HECW2: variants seen among roughly 807,000 people sequenced by gnomAD.
The protein encoded by HECW2 is HECT, C2 and WW domain containing E3 ubiquitin protein ligase 2.
Under a neutral mutation model 175.2 loss-of-function variants are expected in HECW2, and 61 were observed. The observed-to-expected ratio is 0.35, with a 90% CI of 0.28 to 0.43. The LOEUF is 0.43. Among genes scored for constraint, HECW2 ranks in the 20% least tolerant of loss-of-function variants. HECW2 has a pLI of 1.00. For missense variants in HECW2, 1,524 were observed against 2,000.5 expected (o/e 0.76, Z 4.54); for synonymous variants, 671 against 731.0 (o/e 0.92, Z 1.32).
At chr2:196,254,128 A>G in intron 18 of HECW2, 99 bp from the exon 19 acceptor site, 3 of 1,506,492 alleles carry the variant, frequency 2.0e-6, no homozygotes, top group Non-Finnish European at 2.7e-6. Context: ...GATCCGGTTT[A>G]TATCCCAAAG....
intron 10 of HECW2, among the ~76,000 whole-genome samples, chr2:196,311,788 T>G (rs1176243500): frequency 6.6e-6 from 1 of 152,078 alleles, no homozygotes; most frequent in Non-Finnish European, 1.5e-5. Flanking sequence ...CAGAGTTGGA[T>G]TCCATCTCAA....
intron 1 of HECW2, among the ~76,000 whole-genome samples, chr2:196,471,833 G>A (rs1037044338): frequency 3.3e-5 from 5 of 152,228 alleles, no homozygotes; most frequent in Admixed American, 2.0e-4. Context: ...AAGAAAGGAG[G>A]AGGGAGAGGA....
chr2:196,555,221 T>C (rs1689753650), intron 1 of HECW2, among the ~76,000 whole-genome samples: 1 of 152,180 alleles, frequency 6.6e-6, no homozygotes, highest in Non-Finnish European at 1.5e-5. Flanking sequence ...TTTATCATCA[T>C]TATGGAGGCG....
chr2:196,586,641 C>A (rs1367465345), intron 1 of HECW2: 1 of 151,862 alleles, frequency 6.6e-6, no homozygotes, highest in Non-Finnish European at 1.5e-5. Context: ...AAGTACAACT[C>A]CTTTTCTTCA....
chr2:196,359,294 A>T (rs1306072079), intron 2 of HECW2, among the ~76,000 whole-genome samples: 1 of 152,168 alleles, frequency 6.6e-6, no homozygotes, highest in Non-Finnish European at 1.5e-5. Flanking sequence ...CTGAAAATAC[A>T]AAAATTAGCT....
intron 2 of HECW2, among the ~76,000 whole-genome samples, chr2:196,419,764 T>C (rs1353154888): frequency 1.3e-5 from 2 of 152,200 alleles, no homozygotes; most frequent in Non-Finnish European, 2.9e-5. Flanking sequence ...GTTATCTTGT[T>C]CCACCTTCAG....
intron 1 of HECW2, among the ~76,000 whole-genome samples, chr2:196,457,931 A>C (rs1440676404): frequency 1.3e-5 from 2 of 152,214 alleles, no homozygotes; most frequent in Non-Finnish European, 2.9e-5. Context: ...ACAAATAATC[A>C]AAAGGGATAA....
intron 1 of HECW2, among the ~76,000 whole-genome samples, chr2:196,496,410 A>G (rs1446686267): frequency 4.1e-5 from 3 of 73,140 alleles, no homozygotes; most frequent in African/African-American, 2.0e-4. Flanking sequence ...CCATATATGT[A>G]TATATATATA....
chr2:196,243,826 A>G (rs973878886), intron 19 of HECW2, among the ~76,000 whole-genome samples: 10 of 151,728 alleles, frequency 6.6e-5, no homozygotes, highest in Non-Finnish European at 1.3e-4. Flanking sequence ...TGATCCGCCC[A>G]CCTCGGCCTT....
Position 196,395,716 on chromosome 2 carries a change from A to T in HECW2, c.292+37416T>A, listed in dbSNP as rs200508520. ...TAGGATGACTATGTTTTTTTTTTTT[A>T]AAAAAAGAAAATCATAAATGTTAGT... On this transcript the variant is annotated intron_variant, in intron 2 of 28. Transcript: ENST00000644978. Among the ~76,000 whole-genome samples the T allele has an allele frequency of 6.0e-3, 332 of 55,526 alleles. 3 individuals are homozygous for T. Among genetic ancestry groups the T allele is most frequent in the South Asian group, 0.049 (84 of 1,722 alleles). 36.4% of individuals were successfully genotyped at this position (55,526 alleles called of 152,430 possible).
At chr2:196,330,886 G>A (rs551804054) in intron 4 of HECW2, among the ~76,000 whole-genome samples, 10 of 151,930 alleles carry the variant, frequency 6.6e-5, no homozygotes, top group African/African-American at 9.7e-5. Context: ...GCAATAGTTC[G>A]TGATTTGAAT....
chr2:196,209,884 C>A (rs1454123283), intron 28 of HECW2, among the ~76,000 whole-genome samples: 1 of 152,100 alleles, frequency 6.6e-6, no homozygotes, highest in African/African-American at 2.4e-5. Context: ...CTGCCTCTGC[C>A]TCCCGAGTAG....
chr2:196,223,227 C>T (rs1171073371), intron 23 of HECW2, among the ~76,000 whole-genome samples: 4 of 152,140 alleles, frequency 2.6e-5, no homozygotes, highest in Non-Finnish European at 5.9e-5. Flanking sequence ...TAAGTGATAA[C>T]ATAAGATTGG....
intron 1 of HECW2, among the ~76,000 whole-genome samples, chr2:196,592,037 T>C (rs1691216738): frequency 6.6e-6 from 1 of 152,214 alleles, no homozygotes; most frequent in African/African-American, 2.4e-5. Context: ...AAGAAAATCA[T>C]ATTTATAAGA....
At chr2:196,414,854 C>T (rs930055286) in intron 2 of HECW2, among the ~76,000 whole-genome samples, 1 of 152,164 alleles carries the variant, frequency 6.6e-6, no homozygotes, top group Non-Finnish European at 1.5e-5. Flanking sequence ...CTCTGAGTTC[C>T]AGCCACAGCC....
intron 1 of HECW2, among the ~76,000 whole-genome samples, chr2:196,581,548 T>C (rs1690785440): frequency 6.6e-6 from 1 of 151,684 alleles, no homozygotes; most frequent in Admixed American, 6.6e-5. Context: ...AAATAAAAAA[T>C]AAAAGATAAA....
At chr2:196,593,170 C>T (rs1456013937) in intron 1 of HECW2, among the ~76,000 whole-genome samples, 1 of 151,300 alleles carries the variant, frequency 6.6e-6, no homozygotes, top group East Asian at 1.9e-4. Context: ...GGCTCCGCGC[C>T]GCCACCCACC....
chr2:196,236,650 T>C (rs867550115), intron 21 of HECW2, among the ~76,000 whole-genome samples: 1 of 152,224 alleles, frequency 6.6e-6, no homozygotes, highest in Non-Finnish European at 1.5e-5. Context: ...TTTGATGACC[T>C]TGGGAGTATT....
At chr2:196,510,038 T>C (rs1045355004) in intron 1 of HECW2, among the ~76,000 whole-genome samples, 1 of 152,182 alleles carries the variant, frequency 6.6e-6, no homozygotes, top group African/African-American at 2.4e-5. Context: ...TAGCCAAACT[T>C]TACCACTTTT....
Sources: allele counts gnomAD v4.1 joint callset (sites outside exome capture counted in the v4.1 genomes callset), GRCh38; gene constraint gnomAD v4.1.1; transcripts MANE v1.5; gene names NCBI Gene and HGNC (gene_info 2026-07-23, HGNC 2026-07-21).